RARB: variants seen among roughly 807,000 people sequenced by gnomAD.
The protein encoded by RARB is retinoic acid receptor beta.
RARB carries 17 observed loss-of-function variants against 51.9 expected under a neutral mutation model. That is an observed-to-expected ratio of 0.33 (90% CI 0.22 to 0.49). The LOEUF is 0.49. Ranked by LOEUF, RARB falls within the 20% of genes least tolerant of loss-of-function variation. RARB has a pLI of 0.99. For missense variants in RARB, 369 were observed against 550.8 expected (o/e 0.67, Z 3.30); for synonymous variants, 215 against 195.4 (o/e 1.10, Z -0.84).
intron 2 of RARB, among the ~76,000 whole-genome samples, chr3:25,479,334 T>C (rs1696116908): frequency 6.6e-6 from 1 of 152,240 alleles, no homozygotes; most frequent in African/African-American, 2.4e-5. Flanking sequence ...TGTCTTACTC[T>C]ATGTTAAATG....
chr3:25,352,329 C>A (rs933920329), intron 5 of RARB: 1 of 152,132 alleles, frequency 6.6e-6, no homozygotes, highest in Non-Finnish European at 1.5e-5. Flanking sequence ...TAACCAGGGC[C>A]AACCCTGCTT....
intron 3 of RARB, among the ~76,000 whole-genome samples, chr3:25,121,020 A>G (rs2125329237): frequency 6.6e-6 from 1 of 152,244 alleles, no homozygotes; most frequent in East Asian, 1.9e-4. Context: ...CATAACCCCA[A>G]ACTGGTAATA....
At chr3:25,016,311 A>T (rs1006543491) in intron 2 of RARB, among the ~76,000 whole-genome samples, 3 of 152,188 alleles carry the variant, frequency 2.0e-5, no homozygotes, top group Non-Finnish European at 2.9e-5. Context: ...GTGTTTCTCA[A>T]CTTTGCCACT....
chr3:25,506,317 T>A (rs891205113), intron 3 of RARB, among the ~76,000 whole-genome samples: 5 of 150,778 alleles, frequency 3.3e-5, no homozygotes, highest in Non-Finnish European at 7.4e-5. Flanking sequence ...TTAGAAAATA[T>A]TTTTGAGGCC....
intron 5 of RARB, among the ~76,000 whole-genome samples, chr3:25,242,897 G>A (rs375508945): frequency 1.3e-5 from 2 of 152,108 alleles, no homozygotes; most frequent in African/African-American, 2.4e-5. Flanking sequence ...ATTACTTTGG[G>A]CAGTATGGCC....
At chr3:25,142,311 G>C (rs1196160116) in intron 4 of RARB, among the ~76,000 whole-genome samples, 3 of 152,072 alleles carry the variant, frequency 2.0e-5, no homozygotes, top group Admixed American at 6.6e-5. Flanking sequence ...TTCAGCCTGA[G>C]CAACAAGAGC....
chr3:25,296,819 T>C (rs1353526395), intron 5 of RARB, among the ~76,000 whole-genome samples: 2 of 152,210 alleles, frequency 1.3e-5, no homozygotes, highest in Non-Finnish European at 1.5e-5. Context: ...GAATCCATAA[T>C]ATATTTAAGT....
chr3:25,308,898 T>C (rs1402638463), intron 5 of RARB, among the ~76,000 whole-genome samples: 1 of 152,170 alleles, frequency 6.6e-6, no homozygotes, highest in African/African-American at 2.4e-5. Context: ...CCAGATGTGG[T>C]TCTACCAATG....
chr3:25,341,136 T>C (rs115758080), intron 5 of RARB, among the ~76,000 whole-genome samples: 85 of 152,258 alleles, frequency 5.6e-4, no homozygotes, highest in African/African-American at 1.9e-3. Context: ...AGCAAAGCAA[T>C]ACGATGAGTT....
chr3:25,315,016 T>C (rs1704387048), intron 5 of RARB, among the ~76,000 whole-genome samples: 1 of 152,216 alleles, frequency 6.6e-6, no homozygotes, highest in South Asian at 2.1e-4. Flanking sequence ...TACATCCATG[T>C]TGATGCATAG....
At chr3:25,074,958 A>G (rs1400406458) in intron 3 of RARB, among the ~76,000 whole-genome samples, 2 of 152,206 alleles carry the variant, frequency 1.3e-5, no homozygotes, top group Admixed American at 6.5e-5. Flanking sequence ...TCCCAGTTCT[A>G]TAGTTTCATG....
chr3:25,027,959 TTCA>T (rs1469952242), intron 2 of RARB, among the ~76,000 whole-genome samples: 1 of 127,140 alleles, frequency 7.9e-6, no homozygotes, highest in Non-Finnish European at 1.7e-5. Context: ...TAAACAGGCC[TTCA>T]TTGGCTCATG....
chr3:25,558,083 G>A (rs1340927588), intron 3 of RARB, among the ~76,000 whole-genome samples: 1 of 152,124 alleles, frequency 6.6e-6, no homozygotes, highest in African/African-American at 2.4e-5. Context: ...GGATTCTCCG[G>A]GAAGTTCAAA....
intron 2 of RARB, among the ~76,000 whole-genome samples, chr3:24,996,057 C>T (rs1054519744): frequency 6.6e-6 from 1 of 151,980 alleles, no homozygotes; most frequent in Non-Finnish European, 1.5e-5. Context: ...TTTAAAAGTT[C>T]AGTAGAATTT....
At chr3:24,874,676 T>C (rs1194157609) in intron 2 of RARB, among the ~76,000 whole-genome samples, 1 of 152,040 alleles carries the variant, frequency 6.6e-6, no homozygotes, top group African/African-American at 2.4e-5. Flanking sequence ...ATTTTGCCTC[T>C]TTACATAGCT....
intron 3 of RARB, among the ~76,000 whole-genome samples, chr3:25,115,675 TCTTTC>T (rs1285168409): frequency 6.6e-6 from 1 of 151,738 alleles, no homozygotes; most frequent in Non-Finnish European, 1.5e-5. Context: ...TTTCCTTTCC[TCTTTC>T]CTTTCAAGTC....
At chr3:25,433,227 A>G (rs944677783) in intron 1 of RARB, among the ~76,000 whole-genome samples, 2 of 152,220 alleles carry the variant, frequency 1.3e-5, no homozygotes, top group Admixed American at 6.5e-5. Context: ...CCACTTTCAA[A>G]TATCCTGCAC....
intron 4 of RARB, among the ~76,000 whole-genome samples, chr3:25,173,928 T>A (rs1409214310): frequency 6.6e-6 from 1 of 152,136 alleles, no homozygotes; most frequent in Non-Finnish European, 1.5e-5. Context: ...CAGTTATTTT[T>A]AAATTGAGTA....
intron 5 of RARB, among the ~76,000 whole-genome samples, chr3:25,218,544 A>G (rs941731920): frequency 6.6e-6 from 1 of 152,276 alleles, no homozygotes; most frequent in Non-Finnish European, 1.5e-5. Flanking sequence ...AGTGAGGCCA[A>G]CCTCAACCAG....
Sources: gnomAD v4.1 joint callset for allele counts (sites outside exome capture counted in the v4.1 genomes callset) on GRCh38, gnomAD v4.1.1 for gene constraint, MANE v1.5 for transcripts, NCBI Gene and HGNC (gene_info 2026-07-23, HGNC 2026-07-21) for gene names.